The following ZCWPW1 variants were observed in gnomAD, a reference collection of about 807,000 sequenced individuals.
ZCWPW1 encodes zinc finger CW-type PWWP domain protein 1.
Under a neutral mutation model 81.3 loss-of-function variants are expected in ZCWPW1, and 56 were observed. That is an observed-to-expected ratio of 0.69 (90% CI 0.56 to 0.86). The LOEUF (loss-of-function observed/expected upper bound fraction) is 0.86, where lower values mean the gene tolerates loss of function less well. ZCWPW1 is among the 40% of genes least tolerant of loss of function. The pLI is 0.00. For synonymous variants in ZCWPW1, 250 were observed against 273.7 expected, an observed-to-expected ratio of 0.91 and a Z score of 0.86; for missense variants, 650 against 769.8, an observed-to-expected ratio of 0.84 and a Z score of 1.84.
chr7:100,407,242 G>A lies in ZCWPW1; in HGVS notation c.1054C>T (p.Leu352Phe). Residue 352 changes from leucine (L) to phenylalanine (F), a missense_variant, in exon 11 of 18, where the codon CTT becomes TTT. Leu to Phe is a conservative substitution (Grantham distance 22, BLOSUM62 0). Coordinates refer to ENST00000684423, the MANE Select transcript of ZCWPW1 (RefSeq NM_001386010.1). ...AGGAAACTCACCGGCAGGGAATCAA[G>A]ATGGGAAGTAAAAAGAAAATATTCC... ...LGEYFLFTSHLDSLPSKYHVT... is the reference protein window; with the variant it reads ...LGEYFLFTSHFDSLPSKYHVT... 1 of 1,613,988 alleles carries A rather than the reference G, an allele frequency of 6.2e-7. No individual in the cohort carries two copies. Among genetic ancestry groups the A allele is most frequent in the Non-Finnish European group, 8.5e-7 (1 of 1,179,930 alleles).
chr7:100,410,979 C>A (rs548001470), intron 8 of ZCWPW1, among the ~76,000 whole-genome samples: 4 of 152,300 alleles, frequency 2.6e-5, no homozygotes, highest in African/African-American at 9.6e-5. Flanking sequence ...TGGCAAAACA[C>A]CAACCAGAAT....
At chr7:100,422,349 T>C (rs929554461) in intron 2 of ZCWPW1, among the ~76,000 whole-genome samples, 6 of 151,878 alleles carry the variant, frequency 4.0e-5, no homozygotes, top group African/African-American at 1.5e-4. Context: ...ACATAGAAAA[T>C]GACATTTCCA....
chr7:100,419,086 C>A (rs1356600917), intron 5 of ZCWPW1, 25 bp downstream of exon 5: 1 of 1,604,820 alleles, frequency 6.2e-7, no homozygotes, highest in African/African-American at 1.3e-5. Flanking sequence ...AACTGAAACC[C>A]TTTTTCTCTT....
chr7:100,403,552 G>A, intron 15 of ZCWPW1, 142 bp downstream of exon 15: 1 of 590,632 alleles, frequency 1.7e-6, no homozygotes, highest in Non-Finnish European at 2.8e-6. Context: ...GGCCAGGTGT[G>A]GTGGCTCATG....
At chr7:100,427,909 C>T (rs1248312329) in intron 1 of ZCWPW1, among the ~76,000 whole-genome samples, 1 of 151,824 alleles carries the variant, frequency 6.6e-6, no homozygotes. Context: ...CTTCCTCCCA[C>T]CATGAGGGAA....
chr7:100,419,629 C>G lies in ZCWPW1; in HGVS notation c.282+1G>C, dbSNP rs1198122474. ...CCAGAGCCCACCACTATGACTGGTA[C>G]CTTTTCTTTCTTCTCTGCTTGCTTG... is the stretch of plus-strand genomic sequence containing the variant. On this transcript the variant is annotated splice_donor_variant, in intron 4 of 17. Coordinates refer to ENST00000684423, the MANE Select transcript of ZCWPW1 (RefSeq NM_001386010.1). LOFTEE classifies it high-confidence loss of function. 6.2e-7 allele frequency: 1 copy of G among 1,608,724 alleles called. No individual in the cohort carries two copies. The highest frequency in any genetic ancestry group is 8.5e-7 in the Non-Finnish European group (1 of 1,178,270).
intron 11 of ZCWPW1, 152 bp from the exon 12 acceptor site, chr7:100,406,950 C>T (rs1053284000): frequency 1.5e-5 from 11 of 724,486 alleles, no homozygotes; most frequent in African/African-American, 1.1e-4. Flanking sequence ...ACCCTACCCT[C>T]GTTGCAATTG....
At chr7:100,407,371 A>G (rs1275093653) in intron 10 of ZCWPW1, 68 bp from the exon 11 acceptor site, 20 of 1,361,020 alleles carry the variant, frequency 1.5e-5, no homozygotes, top group Non-Finnish European at 2.0e-5. Context: ...CAACCTCATC[A>G]ATGTACATGC....
intron 10 of ZCWPW1, among the ~76,000 whole-genome samples, chr7:100,408,080 A>G (rs1232898521): frequency 6.6e-6 from 1 of 152,112 alleles, no homozygotes; most frequent in Non-Finnish European, 1.5e-5. Flanking sequence ...CGTCCTGAGT[A>G]GCTGGGACTA....
chr7:100,427,694 C>CT (rs1490888713), intron 1 of ZCWPW1, among the ~76,000 whole-genome samples: 1 of 135,222 alleles, frequency 7.4e-6, no homozygotes, highest in Non-Finnish European at 1.6e-5. Flanking sequence ...GCGAGACAGT[C>CT]TTTAAAAAAA....
chr7:100,414,658 C>T (rs1040403248), intron 8 of ZCWPW1, among the ~76,000 whole-genome samples: 6 of 152,114 alleles, frequency 3.9e-5, no homozygotes, highest in Non-Finnish European at 7.4e-5. Flanking sequence ...TCAAGTGATC[C>T]TCCTGCCTTG....
chr7:100,402,483 G>A (rs1255053757), intron 16 of ZCWPW1, 33 bp downstream of exon 16: 1 of 1,611,204 alleles, frequency 6.2e-7, no homozygotes, highest in African/African-American at 1.3e-5. Context: ...CCTTAACTGT[G>A]GGTTGTGCTC....
intron 4 of ZCWPW1, 42 bp from the exon 5 acceptor site, chr7:100,419,231 C>T (rs749681567): frequency 6.4e-7 from 1 of 1,559,746 alleles, no homozygotes. Flanking sequence ...CTTATCTTTC[C>T]ATAGTTTTCC....
chr7:100,427,809 C>T (rs1346897390), intron 1 of ZCWPW1, among the ~76,000 whole-genome samples: 1 of 151,906 alleles, frequency 6.6e-6, no homozygotes, highest in African/African-American at 2.4e-5. Context: ...TCCTCTCTTC[C>T]CTCACCCCTT....
Position 100,407,216 on chromosome 7 carries a change from C to G in ZCWPW1, c.1068+12G>C. On this transcript the variant is annotated intron_variant, in intron 11 of 17. Transcript: ENST00000684423. ...GCCTGAGCTCCTTCTTACCCTGAAC[C>G]AGGAAACTCACCGGCAGGGAATCAA... 1.2e-6 allele frequency: 2 copies of G among 1,613,550 alleles called. No individual in the cohort carries two copies. Among genetic ancestry groups the G allele is most frequent in the Non-Finnish European group, 8.5e-7 (1 of 1,179,606 alleles).
chr7:100,411,372 TCCTCCCACTTCAG>T, intron 8 of ZCWPW1, among the ~76,000 whole-genome samples: 1 of 152,110 alleles, frequency 6.6e-6, no homozygotes, highest in African/African-American at 2.4e-5. Flanking sequence ...GTTCCAGTGA[TCCTCCCACTTCAG>T]CCTCCCAAGT....
chr7:100,403,423 G>A (rs906734493), intron 15 of ZCWPW1, among the ~76,000 whole-genome samples: 2 of 152,016 alleles, frequency 1.3e-5, no homozygotes, highest in Non-Finnish European at 2.9e-5. Flanking sequence ...CACTGTGTTA[G>A]CCAGGATGGT....
chr7:100,405,087 G>T lies in ZCWPW1; in HGVS notation c.1180C>A (p.Arg394Ser). 6.2e-7 allele frequency: 1 copy of T among 1,612,014 alleles called. No homozygotes were observed. The highest frequency in any genetic ancestry group is 1.1e-5 in the South Asian group (1 of 91,040). ...AGTTTCTGGCTGCAGTCATTTCTGC[G>T]CTTTTTCTGAAATAGAAGATTAGAG... is the stretch of plus-strand genomic sequence containing the variant. ...LSLELSVMKK[R>S]RNDCSQKLGV... Residue 394 changes from arginine (R) to serine (S), a missense_variant, in exon 13 of 18, where the codon CGC becomes AGC. Coordinates refer to ENST00000684423, the MANE Select transcript of ZCWPW1 (RefSeq NM_001386010.1).
At chr7:100,407,092 T>C in intron 11 of ZCWPW1, 136 bp downstream of exon 11, 1 of 761,026 alleles carries the variant, frequency 1.3e-6, no homozygotes. Flanking sequence ...ATCTCTGTGT[T>C]TGTCATCCTA....
Sources: gnomAD v4.1 joint callset for allele counts (sites outside exome capture counted in the v4.1 genomes callset) on GRCh38, gnomAD v4.1.1 for gene constraint, MANE v1.5 for transcripts, NCBI Gene and HGNC (gene_info 2026-07-23, HGNC 2026-07-21) for gene names.